CDH26: variants seen among roughly 807,000 people sequenced by gnomAD.
CDH26 encodes the protein cadherin-like protein 26.
A neutral mutation model predicts 90.3 loss-of-function variants in CDH26; 83 were observed. That is an observed-to-expected ratio of 0.92 (90% CI 0.77 to 1.10). The LOEUF is 1.10. Among genes scored for constraint, CDH26 ranks in the 50% least tolerant of loss-of-function variants. The pLI is 0.00. For synonymous variants in CDH26, 397 were observed against 396.3 expected (o/e 1.00, Z -0.02); for missense variants, 1,013 against 1,037.6 (o/e 0.98, Z 0.33).
At chr20:59,968,244 C>T (rs1172443098) in intron 1 of CDH26, among the ~76,000 whole-genome samples, 4 of 151,692 alleles carry the variant, frequency 2.6e-5, no homozygotes, top group Admixed American at 6.6e-5. Flanking sequence ...ATTACAGGCG[C>T]GTGCCACCAT....
At chr20:60,029,804 AG>A (rs1412465482) in intron 7 of CDH26, among the ~76,000 whole-genome samples, 1 of 152,152 alleles carries the variant, frequency 6.6e-6, no homozygotes, top group Non-Finnish European at 1.5e-5. Context: ...ATCCCCGCAA[AG>A]GACATGAACT....
intron 17 of CDH26, among the ~76,000 whole-genome samples, chr20:60,007,433 A>T (rs2061768761): frequency 6.6e-6 from 1 of 152,160 alleles, no homozygotes; most frequent in Non-Finnish European, 1.5e-5. Flanking sequence ...ATTCAACATT[A>T]CTGCTCCTTG....
intron 14 of CDH26, 44 bp downstream of exon 14, chr20:59,999,707 T>C: frequency 6.3e-7 from 1 of 1,581,338 alleles, no homozygotes; most frequent in South Asian, 1.1e-5. Context: ...AGAAGTGACT[T>C]TCCTGGTGGT....
intron 14 of CDH26, 55 bp from the exon 15 acceptor site, chr20:60,001,288 T>C: frequency 2.5e-6 from 4 of 1,610,008 alleles, no homozygotes; most frequent in Non-Finnish European, 3.4e-6. Flanking sequence ...CCCACTTTGT[T>C]TCCAGCTGGA....
At chr20:60,031,221 C>T (rs2062037352) in intron 7 of CDH26, 1 of 1,171,154 alleles carries the variant, frequency 8.5e-7, no homozygotes, top group Non-Finnish European at 1.1e-6. Flanking sequence ...CTCTTACCTG[C>T]TTTGTGTAGT....
In CDH26 at chr20:59,970,017, T is replaced by A. The variant is rs1422744756; in HGVS notation, c.127-65T>A. On this transcript the variant is annotated intron_variant, in intron 2 of 17. Coordinates refer to ENST00000348616, the MANE Select transcript of CDH26 (RefSeq NM_177980.4). ...AGGGCCTTTACATGAAGTAAGGGTG[T>A]GATAAATCCTGGCTGTGAGCATCAC... 5.1e-6 allele frequency: 8 copies of A among 1,570,846 alleles called. No individual in the cohort carries two copies. In the East Asian group the frequency reaches 1.1e-4, roughly 22 times the overall value.
intron 4 of CDH26, among the ~76,000 whole-genome samples, chr20:59,973,268 A>G (rs2061286860): frequency 2.6e-5 from 4 of 152,232 alleles, no homozygotes; most frequent in Non-Finnish European, 5.9e-5. Flanking sequence ...TCGGGCTTCC[A>G]CACATTGAGT....
At chr20:59,982,478 T>C (rs1319481663) in intron 4 of CDH26, among the ~76,000 whole-genome samples, 1 of 152,240 alleles carries the variant, frequency 6.6e-6, no homozygotes, top group Non-Finnish European at 1.5e-5. Flanking sequence ...AAATATAGCA[T>C]GTCAGTAGCT....
rs1024983849 is a variant in CDH26, at chr20:59,993,000, G to C, written c.1426+480G>C. 1.3e-5 allele frequency among the ~76,000 whole-genome samples: 2 copies of C among 152,124 alleles called. No individual in the cohort carries two copies. Among genetic ancestry groups the C allele is most frequent in the African/African-American group, 4.8e-5 (2 of 41,424 alleles). ...AGGCTGAAACTTTAAACACACCAAA[G>C]CAGAGTTGAAGAAATAAAAATGTTC... On this transcript the variant is annotated intron_variant, in intron 10 of 17. Coordinates refer to ENST00000348616, the MANE Select transcript of CDH26 (RefSeq NM_177980.4). This position sits in a 1 kb window ranked among gnomAD's most constrained non-coding sequence, Gnocchi z 5.0.
intron 1 of CDH26, among the ~76,000 whole-genome samples, chr20:59,967,882 TTCCTTCCTTC>T (rs2061182594): frequency 4.3e-5 from 5 of 116,386 alleles, no homozygotes; most frequent in African/African-American, 2.4e-4. Flanking sequence ...TCTTTCTTCC[TTCCTTCCTTC>T]CTTCCTTCCT....
At chr20:59,972,521 C>T (rs944504354) in intron 4 of CDH26, among the ~76,000 whole-genome samples, 1 of 152,168 alleles carries the variant, frequency 6.6e-6, no homozygotes, top group Non-Finnish European at 1.5e-5. Context: ...GATGCATGAG[C>T]AGTTGCATAC....
At chr20:59,971,897 C>T (rs1008975756) in intron 3 of CDH26, 65 bp from the exon 4 acceptor site, 86 of 1,349,924 alleles carry the variant, frequency 6.4e-5, no homozygotes, top group Non-Finnish European at 2.4e-5. Flanking sequence ...AGCCTTGATA[C>T]TTGATTATCA....
intron 1 of CDH26, among the ~76,000 whole-genome samples, chr20:59,963,634 T>C (rs2061106734): frequency 6.6e-6 from 1 of 152,134 alleles, no homozygotes; most frequent in African/African-American, 2.4e-5. Flanking sequence ...GGGGCCCAAT[T>C]AGCCACATGT....
At chr20:60,018,588 C>G (rs1445214563), downstream of CDH26, among the ~76,000 whole-genome samples, 1 of 151,312 alleles carries the variant, frequency 6.6e-6, no homozygotes, top group Non-Finnish European at 1.5e-5. Context: ...GGAATATAAT[C>G]TGATTCAAGG....
intron 4 of CDH26, among the ~76,000 whole-genome samples, chr20:59,979,198 A>ATT (rs548400785): frequency 0.038 from 4,640 of 123,660 alleles, 211 homozygotes; most frequent in African/African-American, 0.097. Context: ...TTCTTCTTCT[A>ATT]TTTTTTTTTT....
chr20:59,959,584 G>C (rs1384267783), intron 1 of CDH26, among the ~76,000 whole-genome samples: 3 of 151,936 alleles, frequency 2.0e-5, no homozygotes, highest in Non-Finnish European at 4.4e-5. Context: ...ATTTTTATTA[G>C]AGACAGGGTT....
chr20:60,025,968 G>A (rs892580306), intron 7 of CDH26, among the ~76,000 whole-genome samples: 3 of 152,216 alleles, frequency 2.0e-5, no homozygotes, highest in Non-Finnish European at 4.4e-5. Flanking sequence ...TGGACCTTAT[G>A]TGCTGGACAC....
rs1488498263 is a variant in CDH26, at chr20:60,014,337, TA to T, written c.*1608del. ...CATCCCCCTTCTAGCTATCTAAAAC[TA>T]TGTATTATTGTTAACTATAGGCAAC... On this transcript the variant is annotated 3_prime_UTR_variant, in exon 18 of 18. Transcript: ENST00000348616. 6.6e-6 allele frequency: 1 copy of T among 152,182 alleles called. No homozygotes were observed. The highest frequency in any genetic ancestry group is 1.5e-5 in the Non-Finnish European group (1 of 68,034). 9.4% of individuals were successfully genotyped at this position (152,182 alleles called of 1,614,324 possible). A position where few individuals can be genotyped will look rare whatever the true frequency, so the allele number is the denominator to read the frequency against.
chr20:60,012,439 T>G (rs868487767), intron 17 of CDH26, 88 bp from the exon 18 acceptor site: 28 of 1,260,628 alleles, frequency 2.2e-5, no homozygotes, highest in Middle Eastern at 2.7e-4. Flanking sequence ...ACTACTGCAT[T>G]GATGTGTTCC....
Sources: allele counts gnomAD v4.1 joint callset (sites outside exome capture counted in the v4.1 genomes callset), GRCh38; gene constraint gnomAD v4.1.1; non-coding constraint Gnocchi (gnomAD v3.1); transcripts MANE v1.5; gene names NCBI Gene and HGNC (gene_info 2026-07-23, HGNC 2026-07-21).